The following CABLES1 variants were observed in gnomAD, a reference collection of about 807,000 sequenced individuals.
CABLES1 encodes the protein Cdk5 and Abl enzyme substrate 1, also known as CDK5 and ABL1 enzyme substrate 1.
In CABLES1, 36 loss-of-function variants were observed where a neutral mutation model predicts 57.8. That is an observed-to-expected ratio of 0.62 (90% CI 0.48 to 0.82). CABLES1 has a LOEUF of 0.82. CABLES1 is among the 40% of genes least tolerant of loss of function. The pLI, the probability that CABLES1 is intolerant of heterozygous loss-of-function variation, is 0.00. For missense variants in CABLES1, 767 were observed against 836.6 expected (o/e 0.92, Z 1.03); for synonymous variants, 374 against 363.0 (o/e 1.03, Z -0.35).
chr18:23,175,529 A>G lies in CABLES1; in HGVS notation c.846-13309A>G, dbSNP rs2047117449. On this transcript the variant is annotated intron_variant, in intron 1 of 9. Transcript: ENST00000256925. ...CGTCTTACTTTGTCACCCAGGCTGG[A>G]GTGCAGTGGTGCAAATACAGCTCAC... 2.0e-5 allele frequency among the ~76,000 whole-genome samples: 3 copies of G among 152,218 alleles called. No individual in the cohort carries two copies. In the South Asian group the frequency reaches 6.2e-4, roughly 32 times the overall value.
chr18:23,200,329 G>T (rs780491970), intron 3 of CABLES1, among the ~76,000 whole-genome samples: 1 of 151,138 alleles, frequency 6.6e-6, no homozygotes, highest in Non-Finnish European at 1.5e-5. Flanking sequence ...GTGTGATCTC[G>T]GCTCACTGCA....
intron 4 of CABLES1, among the ~76,000 whole-genome samples, chr18:23,222,179 C>T (rs1469949202): frequency 6.6e-6 from 1 of 152,156 alleles, no homozygotes; most frequent in East Asian, 1.9e-4. Context: ...CACAGCTCCT[C>T]TCTCAGCCCT....
At position 23,259,157 on chromosome 18, in the gene CABLES1, C is replaced by T. The variant is rs1220734807; in HGVS notation, c.*1790C>T. The stretch of plus-strand genomic sequence containing the variant: ...TGAACTACAAAATGCCCTTGGCCTT[C>T]CTCACATGGGGTCTGTCACCTTGCA... On this transcript the variant is annotated 3_prime_UTR_variant, in exon 10 of 10. Coordinates refer to ENST00000256925, the MANE Select transcript of CABLES1 (RefSeq NM_001100619.3). 2 of 152,252 alleles carry T rather than the reference C, an allele frequency of 1.3e-5. No homozygotes were observed. Among genetic ancestry groups the T allele is most frequent in the African/African-American group, 4.8e-5 (2 of 41,442 alleles). 9.4% of individuals were successfully genotyped at this position (152,252 alleles called of 1,614,324 possible).
At chr18:23,219,500 C>T (rs2047470375) in intron 4 of CABLES1, among the ~76,000 whole-genome samples, 1 of 152,214 alleles carries the variant, frequency 6.6e-6, no homozygotes, top group Non-Finnish European at 1.5e-5. Flanking sequence ...GATGATCCAG[C>T]TCCTCGTGAA....
At chr18:23,172,937 T>C (rs1331352659) in intron 1 of CABLES1, among the ~76,000 whole-genome samples, 2 of 152,202 alleles carry the variant, frequency 1.3e-5, no homozygotes, top group Non-Finnish European at 2.9e-5. Context: ...CTGAAGTGCT[T>C]GTGAGTTCTC....
chr18:23,155,257 AT>A (rs1341557675), intron 1 of CABLES1, among the ~76,000 whole-genome samples: 2 of 152,348 alleles, frequency 1.3e-5, no homozygotes, highest in South Asian at 2.1e-4. Flanking sequence ...AATAAAAAAA[AT>A]ATTTACATAG....
chr18:23,148,009 AG>A (rs2046903775), intron 1 of CABLES1, among the ~76,000 whole-genome samples: 1 of 64,576 alleles, frequency 1.5e-5, no homozygotes, highest in African/African-American at 6.0e-5. Context: ...TTTTTTTTTG[AG>A]ACGGAGTCTC....
chr18:23,138,260 A>T (rs770036668), intron 1 of CABLES1, among the ~76,000 whole-genome samples: 5 of 152,186 alleles, frequency 3.3e-5, no homozygotes, highest in Non-Finnish European at 5.9e-5. Flanking sequence ...GATATGGAAG[A>T]TCTTGTGTGT....
chr18:23,256,855 G>GTGGA (rs1342802755), intron 9 of CABLES1, among the ~76,000 whole-genome samples: 2 of 152,224 alleles, frequency 1.3e-5, no homozygotes, highest in Non-Finnish European at 2.9e-5. Context: ...CCCAGTTAGG[G>GTGGA]TGGACTCTTA....
At chr18:23,177,760 T>G (rs1407547036) in intron 1 of CABLES1, among the ~76,000 whole-genome samples, 1 of 152,078 alleles carries the variant, frequency 6.6e-6, no homozygotes, top group Non-Finnish European at 1.5e-5. Context: ...AGAGGTACTC[T>G]CTTCTCCTCT....
intron 7 of CABLES1, among the ~76,000 whole-genome samples, chr18:23,246,620 T>C (rs956103643): frequency 6.6e-6 from 1 of 151,778 alleles, no homozygotes; most frequent in African/African-American, 2.4e-5. Context: ...CTCGATCTCC[T>C]GACCTTGTGA....
chr18:23,256,073 G>C (rs2048157569), intron 9 of CABLES1, among the ~76,000 whole-genome samples: 1 of 152,168 alleles, frequency 6.6e-6, no homozygotes, highest in African/African-American at 2.4e-5. Context: ...GTAATGGTTT[G>C]ACCAGCCACT....
chr18:23,148,671 C>G (rs1279740066), intron 1 of CABLES1, among the ~76,000 whole-genome samples: 3 of 152,202 alleles, frequency 2.0e-5, no homozygotes, highest in Admixed American at 6.5e-5. Flanking sequence ...ACCATTCCTG[C>G]AGTAGGAGCA....
intron 2 of CABLES1, among the ~76,000 whole-genome samples, chr18:23,189,820 C>T (rs1256954591): frequency 6.6e-6 from 1 of 152,224 alleles, no homozygotes; most frequent in African/African-American, 2.4e-5. Flanking sequence ...TGGCTCCTTC[C>T]CCACCTGAAG....
At chr18:23,254,511 A>G (rs572925829) in intron 9 of CABLES1, among the ~76,000 whole-genome samples, 5 of 152,370 alleles carry the variant, frequency 3.3e-5, no homozygotes, top group African/African-American at 1.2e-4. Flanking sequence ...AGATCCATTG[A>G]GAAGATAGTT....
At chr18:23,220,174 G>A (rs182495949) in intron 4 of CABLES1, among the ~76,000 whole-genome samples, 63 of 152,272 alleles carry the variant, frequency 4.1e-4, no homozygotes, top group African/African-American at 1.4e-3. Flanking sequence ...CTTCCTTACC[G>A]TGATGTATGG....
intron 3 of CABLES1, among the ~76,000 whole-genome samples, chr18:23,207,588 C>A (rs1245519974): frequency 6.6e-6 from 1 of 152,180 alleles, no homozygotes; most frequent in East Asian, 1.9e-4. Context: ...TCCCAACCAC[C>A]CCTAAGCTTT....
intron 1 of CABLES1, among the ~76,000 whole-genome samples, chr18:23,163,204 G>A (rs188676677): frequency 6.6e-6 from 1 of 152,220 alleles, no homozygotes; most frequent in East Asian, 1.9e-4. Flanking sequence ...GGAGGAGGAG[G>A]AGGAAGAAGA....
chr18:23,219,323 A>G (rs534114162), intron 4 of CABLES1: 2 of 454,160 alleles, frequency 4.4e-6, no homozygotes, highest in African/African-American at 2.0e-5. Context: ...ATTGAGTCCT[A>G]AGCAATGTCT....
Sources: allele counts gnomAD v4.1 joint callset (sites outside exome capture counted in the v4.1 genomes callset), GRCh38; gene constraint gnomAD v4.1.1; transcripts MANE v1.5; gene names NCBI Gene and HGNC (gene_info 2026-07-23, HGNC 2026-07-21).